Variants in VPS9D1 observed in about 807,000 individuals in gnomAD.
The protein encoded by VPS9D1 is VPS9 domain containing 1.
A neutral mutation model predicts 75.8 loss-of-function variants in VPS9D1; 78 were observed. The observed-to-expected ratio is 1.03, with a 90% CI of 0.86 to 1.24. The LOEUF (loss-of-function observed/expected upper bound fraction) is 1.24, where lower values mean the gene tolerates loss of function less well. VPS9D1 is among the 50% of genes most tolerant of loss of function. VPS9D1 has a pLI of 0.00. For missense variants in VPS9D1, 1,057 were observed against 847.7 expected, an observed-to-expected ratio of 1.25 and a Z score of -3.07; for synonymous variants, 481 against 385.6, an observed-to-expected ratio of 1.25 and a Z score of -2.90.
chr16:89,708,904 T>G lies in VPS9D1; in HGVS notation c.1650A>C (p.Pro550=), dbSNP rs1169874164. Residue 550 remains proline, a synonymous_variant, in exon 13 of 15, where the codon CCA becomes CCC. Transcript: ENST00000389386. ...GGGGCCCGGCCTGGGGTGTGGCCTC[T>G]GGGGTGGGGCAGTAGTCTTCCGCAC... The part of the protein sequence containing the change: ...CVCAEDYCPT[P]EATPQAGPPP... 2.5e-6 allele frequency: 4 copies of G among 1,597,566 alleles called. No homozygotes were observed. The highest frequency in any genetic ancestry group is 3.4e-6 in the Non-Finnish European group (4 of 1,175,264).
At chr16:89,712,817 A>T in intron 4 of VPS9D1, 101 bp from the exon 5 acceptor site, 1 of 1,085,774 alleles carries the variant, frequency 9.2e-7, no homozygotes, top group Non-Finnish European at 1.3e-6. Context: ...TGAGGCCAGG[A>T]GGTGAGGAGA....
Position 89,707,334 on chromosome 16 carries a change from A to C in VPS9D1, c.*527T>G. On this transcript the variant is annotated 3_prime_UTR_variant, in exon 15 of 15. Coordinates refer to ENST00000389386, the MANE Select transcript of VPS9D1 (RefSeq NM_004913.3). ...GCAGGGGTGTCCCTGCCCATCAGCA[A>C]ACAGCATACCCTGACACCAGCTGCA... 6.5e-6 allele frequency: 1 copy of C among 154,238 alleles called. No individual in the cohort carries two copies. Among genetic ancestry groups the C allele is most frequent in the Non-Finnish European group, 1.4e-5 (1 of 69,346 alleles). 9.6% of individuals were successfully genotyped at this position (154,238 alleles called of 1,614,324 possible). A position where few individuals can be genotyped will look rare whatever the true frequency, so the allele number is the denominator to read the frequency against.
chr16:89,715,347 C>A (rs2061038213), intron 4 of VPS9D1, among the ~76,000 whole-genome samples: 1 of 151,320 alleles, frequency 6.6e-6, no homozygotes, highest in South Asian at 2.1e-4. Context: ...CTGCCTCAGC[C>A]TCCTGAGTAG....
chr16:89,714,900 A>G (rs1443516479), intron 4 of VPS9D1, among the ~76,000 whole-genome samples: 4 of 151,818 alleles, frequency 2.6e-5, no homozygotes, highest in Non-Finnish European at 4.4e-5. Context: ...ATGCCCAGCT[A>G]AGTTTTGTAT....
intron 8 of VPS9D1, 168 bp downstream of exon 8, chr16:89,711,713 GC>G (rs1188430010): frequency 7.0e-6 from 6 of 854,076 alleles, no homozygotes; most frequent in African/African-American, 1.8e-5. Flanking sequence ...GCCCCACGCA[GC>G]CCTGGCCCCG....
At chr16:89,713,071 A>T (rs933521670) in intron 4 of VPS9D1, 4 of 161,108 alleles carry the variant, frequency 2.5e-5, no homozygotes, top group Admixed American at 1.3e-4. Flanking sequence ...AATCCCAGCT[A>T]CTCGGGAGGC....
rs2060862916 is a variant in VPS9D1, at chr16:89,709,332, T to C, written c.1492A>G (p.Asn498Asp). 1 of 1,598,966 alleles carries C rather than the reference T, an allele frequency of 6.3e-7. No homozygotes were observed. ...CCAGTGGCCCCCTTGGCCTCAGGGT[T>C]CTGGGGGAGGAGCTTGGTGGGGATG... The part of the protein sequence containing the change: ...IGIPTKLLPQ[N>D]PEAKGATGYP... Residue 498 changes from asparagine (N) to aspartate (D), a missense_variant, in exon 12 of 15, where the codon AAC becomes GAC. Asn to Asp is a conservative substitution (Grantham distance 23). Transcript: ENST00000389386.
chr16:89,710,778 G>C lies in VPS9D1; in HGVS notation c.1066C>G (p.Gln356Glu). 3.2e-6 allele frequency: 5 copies of C among 1,555,036 alleles called. No homozygotes were observed. Among genetic ancestry groups the C allele is most frequent in the Non-Finnish European group, 4.4e-6 (5 of 1,149,360 alleles). The part of the protein sequence containing the change: ...PQDSPPTPPL[Q>E]PGPVGSPSPL... Reference sequence around the variant, plus strand: ...GAGGGAGACCCCACGGGGCCGGGTTGGAGTGGGGGCGTGGGGGGACTGTCC... The same window carrying C: ...GAGGGAGACCCCACGGGGCCGGGTTCGAGTGGGGGCGTGGGGGGACTGTCC... Residue 356 changes from glutamine to glutamate, a missense_variant, in exon 10 of 15, where the codon CAA becomes GAA. By Grantham distance (29) the Gln-to-Glu change is conservative. Coordinates refer to ENST00000389386, the MANE Select transcript of VPS9D1 (RefSeq NM_004913.3).
chr16:89,720,818 C>T lies in VPS9D1; in HGVS notation c.44G>A (p.Ser15Asn). ...GGCCCCGTTGGCAAGCTTCATGGCGCTCTGCAGCGGCTTCACCGTGCCGTC... is the reference window on the plus strand; with the variant it reads ...GGCCCCGTTGGCAAGCTTCATGGCGTTCTGCAGCGGCTTCACCGTGCCGTC... ...AGDGTVKPLQ[S>N]AMKLANGAIE... Residue 15 changes from serine (S) to asparagine (N), a missense_variant, in exon 1 of 15, where the codon AGC becomes AAC. Transcript: ENST00000389386. 2 of 1,455,840 alleles carry T rather than the reference C, an allele frequency of 1.4e-6. No individual in the cohort carries two copies. The allele number at this position is 1,455,840 out of a possible 1,614,324, so 90.2% of individuals were successfully genotyped here. A position where few individuals can be genotyped will look rare whatever the true frequency, so the allele number is the denominator to read the frequency against.
At position 89,716,762 on chromosome 16, in the gene VPS9D1, AG is replaced by A; in HGVS notation, c.235del (p.Leu79TrpfsTer16). ...SKMLKLAQQC[L>X]ERAQSTAAKL... The stretch of plus-strand genomic sequence containing the variant: ...GGCGGCCGTCGACTGGGCCCTCTCC[AG>A]ACACTGCTGTGCTAGCTTCAGCATC... On this transcript the variant is annotated frameshift_variant, in exon 3 of 15. Coordinates refer to ENST00000389386, the MANE Select transcript of VPS9D1 (RefSeq NM_004913.3). LOFTEE classifies it high-confidence loss of function. 6.3e-7 allele frequency: 1 copy of A among 1,593,694 alleles called. No homozygotes were observed. The highest frequency in any genetic ancestry group is 8.5e-7 in the Non-Finnish European group (1 of 1,172,120).
intron 4 of VPS9D1, among the ~76,000 whole-genome samples, chr16:89,716,063 G>A (rs1157825956): frequency 1.3e-5 from 2 of 151,436 alleles, no homozygotes; most frequent in East Asian, 4.0e-4. Context: ...AGTGGCTCAT[G>A]CCTGTAATCC....
intron 8 of VPS9D1, 131 bp downstream of exon 8, chr16:89,711,751 C>A (rs1475876637): frequency 1.9e-5 from 22 of 1,169,674 alleles, no homozygotes; most frequent in African/African-American, 3.1e-5. Flanking sequence ...TCCCACGGGC[C>A]TCTGGCCCCG....
chr16:89,712,394 C>T, intron 6 of VPS9D1, 66 bp downstream of exon 6: 1 of 1,601,730 alleles, frequency 6.2e-7, no homozygotes, highest in East Asian at 2.2e-5. Context: ...GCCCCCTTCT[C>T]TGCCCTTGGC....
intron 1 of VPS9D1, chr16:89,720,348 A>T: frequency 3.3e-6 from 3 of 915,302 alleles, no homozygotes; most frequent in Non-Finnish European, 3.9e-6. Flanking sequence ...AGCATCACAA[A>T]TGAGCAGGTA....
chr16:89,709,025 G>GGGGGGGGCC, intron 12 of VPS9D1, 69 bp from the exon 13 acceptor site: 1 of 627,150 alleles, frequency 1.6e-6, no homozygotes, highest in Non-Finnish European at 2.0e-6. Flanking sequence ...CTTATACCCC[G>GGGGGGGGCC]CCCACCCACC....
chr16:89,714,687 T>C (rs997312606), intron 4 of VPS9D1, among the ~76,000 whole-genome samples: 3 of 152,250 alleles, frequency 2.0e-5, no homozygotes, highest in African/African-American at 7.2e-5. Context: ...TCATCAGTTC[T>C]AGACAACTGT....
chr16:89,711,469 C>T, intron 8 of VPS9D1, 57 bp from the exon 9 acceptor site: 1 of 1,498,452 alleles, frequency 6.7e-7, no homozygotes, highest in Non-Finnish European at 9.0e-7. Context: ...ACCGGACGCG[C>T]CTCATCTCCC....
At chr16:89,717,272 T>C in intron 2 of VPS9D1, 1 of 316,920 alleles carries the variant, frequency 3.2e-6, no homozygotes, top group Non-Finnish European at 6.2e-6. Flanking sequence ...TGTGGGCCCC[T>C]CATCGAGGCC....
intron 4 of VPS9D1, 151 bp from the exon 5 acceptor site, chr16:89,712,867 C>T (rs902011204): frequency 8.0e-6 from 5 of 622,508 alleles, no homozygotes; most frequent in Non-Finnish European, 1.0e-5. Flanking sequence ...GCAACATCTG[C>T]CCCTTCTTGC....
Sources: allele counts gnomAD v4.1 joint callset (sites outside exome capture counted in the v4.1 genomes callset), GRCh38; gene constraint gnomAD v4.1.1; transcripts MANE v1.5; gene names NCBI Gene and HGNC (gene_info 2026-07-23, HGNC 2026-07-21).